The following ARHGAP42 variants were observed in gnomAD, a reference collection of about 807,000 sequenced individuals.
ARHGAP42 encodes rho GTPase-activating protein 42.
Under a neutral mutation model 125.0 loss-of-function variants are expected in ARHGAP42, and 63 were observed. The ratio of observed to expected loss-of-function variants is 0.50; its 90% CI spans 0.41 to 0.62. The LOEUF (loss-of-function observed/expected upper bound fraction) is 0.62, where lower values mean the gene tolerates loss of function less well. Among genes scored for constraint, ARHGAP42 ranks in the 20% least tolerant of loss-of-function variants. The probability of loss-of-function intolerance (pLI) is 0.00; values close to 1 mark genes in which losing one functional copy is unlikely to be tolerated. For synonymous variants in ARHGAP42, 339 were observed against 351.0 expected, an observed-to-expected ratio of 0.97 and a Z score of 0.38; for missense variants, 766 against 1,024.2, an observed-to-expected ratio of 0.75 and a Z score of 3.44.
intron 6 of ARHGAP42, among the ~76,000 whole-genome samples, chr11:100,927,638 T>C (rs913870734): frequency 1.3e-5 from 2 of 152,192 alleles, no homozygotes; most frequent in Non-Finnish European, 2.9e-5. Flanking sequence ...TGACAGTACT[T>C]TCTCTATTAC....
chr11:100,866,204 T>C (rs891764711), intron 4 of ARHGAP42, among the ~76,000 whole-genome samples: 3 of 152,232 alleles, frequency 2.0e-5, no homozygotes, highest in African/African-American at 7.2e-5. Flanking sequence ...TGACATGAGA[T>C]TGCAGCAATT....
intron 2 of ARHGAP42, among the ~76,000 whole-genome samples, chr11:100,776,270 T>C (rs1364002307): frequency 6.6e-6 from 1 of 152,244 alleles, no homozygotes; most frequent in African/African-American, 2.4e-5. Flanking sequence ...TGGAAACCAT[T>C]GGAAAGTCCA....
Position 100,788,938 on chromosome 11 carries a change from T to C in ARHGAP42, c.251-6167T>C, listed in dbSNP as rs115105083. On this transcript the variant is annotated intron_variant, in intron 2 of 23. Coordinates refer to ENST00000298815, the MANE Select transcript of ARHGAP42 (RefSeq NM_152432.4). ...GGAAGTTCCAAGCATAAACTACTGA[T>C]GTGATGGTCCTTAGATTATTGCATG... 9.3e-3 allele frequency among the ~76,000 whole-genome samples: 1,415 copies of C among 152,338 alleles called. 18 individuals carry two copies. Among genetic ancestry groups the C allele is most frequent in the African/African-American group, 0.032 (1,343 of 41,568 alleles).
chr11:100,921,338 T>G (rs1237723203), intron 5 of ARHGAP42, among the ~76,000 whole-genome samples, 156 bp from the exon 6 acceptor site: 1 of 144,696 alleles, frequency 6.9e-6, no homozygotes, highest in Non-Finnish European at 1.5e-5. Flanking sequence ...GTGTAGCTCC[T>G]GCCCCATACA....
intron 1 of ARHGAP42, among the ~76,000 whole-genome samples, chr11:100,726,847 TG>T (rs1861870759): frequency 6.6e-6 from 1 of 152,226 alleles, no homozygotes; most frequent in African/African-American, 2.4e-5. Flanking sequence ...GCTTTCTTTT[TG>T]CAATTACATC....
Position 100,941,802 on chromosome 11 carries a change from G to T in ARHGAP42, c.851G>T (p.Trp284Leu). ...ACATTAGGACCGCTTGGTTTTACAT[G>T]GATTAAACATTATTGTACATATGAT... Reference protein sequence around the residue: ...VQEKRPLGFTWIKHYCTYDKG... With the variant: ...VQEKRPLGFTLIKHYCTYDKG... Residue 284 changes from tryptophan to leucine, a missense_variant, in exon 9 of 24, where the codon TGG (tryptophan) becomes TTG (leucine). Coordinates refer to ENST00000298815, the MANE Select transcript of ARHGAP42 (RefSeq NM_152432.4). 1 of 1,520,272 alleles carries T rather than the reference G, an allele frequency of 6.6e-7. No homozygotes were observed. Among genetic ancestry groups the T allele is most frequent in the Admixed American group, 2.4e-5 (1 of 41,846 alleles). The allele number at this position is 1,520,272 out of a possible 1,614,324, so 94.2% of individuals were successfully genotyped here. A position where few individuals can be genotyped will look rare whatever the true frequency, so the allele number is the denominator to read the frequency against.
intron 4 of ARHGAP42, among the ~76,000 whole-genome samples, chr11:100,896,695 T>A (rs1866374979): frequency 6.6e-6 from 1 of 152,238 alleles, no homozygotes; most frequent in East Asian, 1.9e-4. Context: ...TCTTTGTTTT[T>A]TTCTTGTAAA....
intron 2 of ARHGAP42, among the ~76,000 whole-genome samples, chr11:100,771,061 C>A (rs1388293434): frequency 1.6e-5 from 1 of 61,172 alleles, no homozygotes; most frequent in Non-Finnish European, 3.4e-5. Context: ...AAAAAATTAT[C>A]TTCCTTTTTT....
At chr11:100,985,455 A>G (rs183947689) in intron 22 of ARHGAP42, among the ~76,000 whole-genome samples, 3 of 152,322 alleles carry the variant, frequency 2.0e-5, no homozygotes, top group African/African-American at 7.2e-5. Flanking sequence ...GAAGATTTAT[A>G]GGGAAAAAGT....
chr11:100,872,341 G>A (rs1273263572), intron 4 of ARHGAP42, among the ~76,000 whole-genome samples: 1 of 152,054 alleles, frequency 6.6e-6, no homozygotes, highest in African/African-American at 2.4e-5. Flanking sequence ...TTTTTGGTGA[G>A]ACTTTTTACT....
chr11:100,968,854 T>A (rs1450325546), intron 17 of ARHGAP42, among the ~76,000 whole-genome samples: 1 of 152,170 alleles, frequency 6.6e-6, no homozygotes, highest in Non-Finnish European at 1.5e-5. Flanking sequence ...AAAATTGCAT[T>A]TTAAAATCAA....
chr11:100,889,835 CCTTAA>C (rs1866177084), intron 4 of ARHGAP42, among the ~76,000 whole-genome samples: 1 of 152,072 alleles, frequency 6.6e-6, no homozygotes, highest in African/African-American at 2.4e-5. Flanking sequence ...TTTCTTATAT[CCTTAA>C]CTTAACTCTT....
At chr11:100,952,651 C>G (rs1857693027) in intron 12 of ARHGAP42, among the ~76,000 whole-genome samples, 1 of 151,614 alleles carries the variant, frequency 6.6e-6, no homozygotes, top group South Asian at 2.1e-4. Flanking sequence ...CTCAAAGGCA[C>G]AGGATTGGAC....
At chr11:100,706,137 G>T (rs11224400) in intron 1 of ARHGAP42, among the ~76,000 whole-genome samples, 9,465 of 152,046 alleles carry the variant, frequency 0.062, 416 homozygotes, top group East Asian at 0.21. Flanking sequence ...GTGCCACCAC[G>T]CCCAGAGTTA....
intron 3 of ARHGAP42, among the ~76,000 whole-genome samples, chr11:100,805,435 A>T (rs987701686): frequency 1.4e-4 from 22 of 152,204 alleles, no homozygotes; most frequent in Non-Finnish European, 3.1e-4. Context: ...AAATTATCTT[A>T]ATTTTCAATA....
chr11:100,803,885 A>C (rs1203960563), intron 3 of ARHGAP42, among the ~76,000 whole-genome samples: 1 of 152,090 alleles, frequency 6.6e-6, no homozygotes, highest in South Asian at 2.1e-4. Flanking sequence ...CAGTGAACTT[A>C]TTTCTTTTAT....
intron 12 of ARHGAP42, among the ~76,000 whole-genome samples, chr11:100,957,621 A>G (rs1206549671): frequency 6.6e-6 from 1 of 152,122 alleles, no homozygotes; most frequent in Non-Finnish European, 1.5e-5. Flanking sequence ...ATTTTTGCCA[A>G]CACAGTATAT....
intron 3 of ARHGAP42, among the ~76,000 whole-genome samples, chr11:100,809,479 A>G (rs1864085945): frequency 6.6e-6 from 1 of 152,258 alleles, no homozygotes; most frequent in Non-Finnish European, 1.5e-5. Context: ...TCCGGTTAAC[A>G]TTGTCATTTG....
chr11:100,795,646 T>C (rs992821512), intron 3 of ARHGAP42, among the ~76,000 whole-genome samples: 1 of 152,210 alleles, frequency 6.6e-6, no homozygotes, highest in Non-Finnish European at 1.5e-5. Flanking sequence ...ACATTCTAGA[T>C]TGATGGATGA....
Sources: gnomAD v4.1 joint callset for allele counts (sites outside exome capture counted in the v4.1 genomes callset) on GRCh38, gnomAD v4.1.1 for gene constraint, MANE v1.5 for transcripts, NCBI Gene and HGNC (gene_info 2026-07-23, HGNC 2026-07-21) for gene names.